Variants in LYRM4 observed in about 807,000 individuals in gnomAD.
The protein encoded by LYRM4 is LYR motif-containing protein 4.
A neutral mutation model predicts 11.7 loss-of-function variants in LYRM4; 9 were observed. The ratio of observed to expected loss-of-function variants is 0.77; its 90% CI spans 0.46 to 1.34. The LOEUF (loss-of-function observed/expected upper bound fraction) is 1.34. LYRM4 is among the 40% of genes most tolerant of loss of function. The probability of loss-of-function intolerance (pLI) is 0.00; values close to 1 mark genes in which losing one functional copy is unlikely to be tolerated. For synonymous variants in LYRM4, 42 were observed against 40.4 expected, an observed-to-expected ratio of 1.04 and a Z score of -0.15; for missense variants, 133 against 112.5, an observed-to-expected ratio of 1.18 and a Z score of -0.82.
intron 2 of LYRM4, among the ~76,000 whole-genome samples, chr6:5,119,671 T>A (rs1426076173): frequency 1.3e-5 from 2 of 151,520 alleles, no homozygotes; most frequent in Non-Finnish European, 1.5e-5. Context: ...ATGCCTGTAA[T>A]CCCAGCTACT....
At chr6:5,089,400 C>T in the LYRM4 span, 1 of 152,052 alleles carries the variant, frequency 6.6e-6, no homozygotes, top group Non-Finnish European at 1.5e-5. Flanking sequence ...TTTGAAAATG[C>T]TTGTTTGTGG....
chr6:5,225,533 C>T (rs534819533), intron 1 of LYRM4, among the ~76,000 whole-genome samples: 2 of 152,090 alleles, frequency 1.3e-5, no homozygotes, highest in South Asian at 4.1e-4. Context: ...TTTGATAATA[C>T]AAATAAAGGT....
chr6:5,118,096 T>TATATTTTTTTTTTTTTTG (rs1554126841), intron 2 of LYRM4, among the ~76,000 whole-genome samples: 1 of 78,706 alleles, frequency 1.3e-5, no homozygotes, highest in East Asian at 3.5e-4. Context: ...ATATATATAT[T>TATATTTTTTTTTTTTTTG]TTTGTTTTGT....
intron 2 of LYRM4, among the ~76,000 whole-genome samples, chr6:5,156,894 T>C (rs1326082823): frequency 6.6e-6 from 1 of 151,778 alleles, no homozygotes; most frequent in African/African-American, 2.4e-5. Flanking sequence ...ACAACAGACA[T>C]GATGGGAATG....
At chr6:5,257,330 C>T (rs1764725922) in intron 1 of LYRM4, among the ~76,000 whole-genome samples, 1 of 152,162 alleles carries the variant, frequency 6.6e-6, no homozygotes, top group Non-Finnish European at 1.5e-5. Flanking sequence ...CTGCTTCATG[C>T]CTTTGATCCA....
At chr6:5,119,696 G>C (rs1763320388) in intron 2 of LYRM4, among the ~76,000 whole-genome samples, 1 of 149,706 alleles carries the variant, frequency 6.7e-6, no homozygotes, top group Non-Finnish European at 1.5e-5. Context: ...AGCTGAGGCA[G>C]GAGAAATGCT....
intron 2 of LYRM4, among the ~76,000 whole-genome samples, chr6:5,192,626 T>C (rs576000446): frequency 6.6e-6 from 1 of 152,308 alleles, no homozygotes; most frequent in African/African-American, 2.4e-5. Flanking sequence ...TGCACCTCTA[T>C]GGGGCTGTTG....
chr6:5,076,857 GTTC>G, the LYRM4 span, among the ~76,000 whole-genome samples: 1 of 152,174 alleles, frequency 6.6e-6, no homozygotes, highest in African/African-American at 2.4e-5. Flanking sequence ...AAGGACCTCC[GTTC>G]TTCTCTCTTC....
rs1175676689 is a variant in LYRM4 at position 5,109,508 on chromosome 6, G to C, written c.208-17C>G. The C allele has an allele frequency of 1.9e-6, 3 of 1,612,184 alleles. No homozygotes were observed. In the African/African-American group the frequency reaches 4.0e-5, roughly 22 times the overall value. ...AATGTGGACCTGAAGGCAAAGAAAGGACACAGGTCAGGAACCGTGGCCCTC... is the reference window on the plus strand; with the variant it reads ...AATGTGGACCTGAAGGCAAAGAAAGCACACAGGTCAGGAACCGTGGCCCTC... On this transcript the variant is annotated splice_polypyrimidine_tract_variant and intron_variant, in intron 2 of 2. Coordinates refer to ENST00000330636, the MANE Select transcript of LYRM4 (RefSeq NM_020408.6).
the LYRM4 span, among the ~76,000 whole-genome samples, chr6:5,062,642 A>G: frequency 6.6e-6 from 1 of 152,316 alleles, no homozygotes; most frequent in Admixed American, 6.5e-5. Flanking sequence ...TCAGAGCTGC[A>G]GGTGAGCTGC....
chr6:5,260,567 G>T, intron 1 of LYRM4, 81 bp downstream of exon 1: 1 of 1,508,384 alleles, frequency 6.6e-7, no homozygotes, highest in Non-Finnish European at 8.9e-7. Context: ...CCCAGTCCCC[G>T]GGGATATTCC....
chr6:5,240,646 T>G (rs1158839698), intron 1 of LYRM4: 1 of 152,216 alleles, frequency 6.6e-6, no homozygotes, highest in East Asian at 1.9e-4. Flanking sequence ...ACAGGTCAAC[T>G]GAGGATTGTA....
chr6:5,229,985 T>C (rs1763136489), intron 1 of LYRM4, among the ~76,000 whole-genome samples: 1 of 152,226 alleles, frequency 6.6e-6, no homozygotes, highest in Non-Finnish European at 1.5e-5. Context: ...TCATAGCCAC[T>C]GACATTTTGT....
At chr6:5,037,560 G>A in the LYRM4 span, among the ~76,000 whole-genome samples, 1 of 82,856 alleles carries the variant, frequency 1.2e-5, no homozygotes, top group Non-Finnish European at 2.9e-5. Flanking sequence ...CGGGCAGAGG[G>A]GCTCCTCACT....
intron 2 of LYRM4, among the ~76,000 whole-genome samples, chr6:5,212,876 G>C (rs1415403533): frequency 6.6e-6 from 1 of 152,172 alleles, no homozygotes; most frequent in Non-Finnish European, 1.5e-5. Context: ...TGGGCAAAAG[G>C]AGGCTGACTT....
intron 1 of LYRM4, among the ~76,000 whole-genome samples, chr6:5,256,121 G>C (rs889246611): frequency 2.0e-5 from 3 of 151,898 alleles, no homozygotes; most frequent in African/African-American, 7.3e-5. Context: ...AAAATTAGTG[G>C]CTACGGATGC....
chr6:5,145,035 G>C (rs930035539), intron 2 of LYRM4, among the ~76,000 whole-genome samples: 1 of 152,058 alleles, frequency 6.6e-6, no homozygotes, highest in Non-Finnish European at 1.5e-5. Context: ...AGAGGTAAAA[G>C]GGCAGGCCCC....
chr6:5,126,932 T>C (rs1763724041), intron 2 of LYRM4, among the ~76,000 whole-genome samples: 1 of 152,184 alleles, frequency 6.6e-6, no homozygotes, highest in Non-Finnish European at 1.5e-5. Flanking sequence ...ACTCTGAATA[T>C]ACTAAAAGCC....
At chr6:5,157,921 G>T (rs961641031) in intron 2 of LYRM4, among the ~76,000 whole-genome samples, 3 of 152,244 alleles carry the variant, frequency 2.0e-5, no homozygotes, top group Non-Finnish European at 4.4e-5. Flanking sequence ...CCTCTGCACT[G>T]TCGGCAGGCC....
Sources: gnomAD v4.1 joint callset for allele counts (sites outside exome capture counted in the v4.1 genomes callset) on GRCh38, gnomAD v4.1.1 for gene constraint, MANE v1.5 for transcripts, NCBI Gene and HGNC (gene_info 2026-07-23, HGNC 2026-07-21) for gene names.